SPIRE1: variants seen among roughly 807,000 people sequenced by gnomAD.
SPIRE1 encodes the protein protein spire homolog 1.
A neutral mutation model predicts 94.1 loss-of-function variants in SPIRE1; 40 were observed. That is an observed-to-expected ratio of 0.43 (90% CI 0.33 to 0.55). The LOEUF (loss-of-function observed/expected upper bound fraction) is 0.55. SPIRE1 is among the 20% of genes least tolerant of loss of function. SPIRE1 has a pLI of 0.06. For missense variants in SPIRE1, 838 were observed against 975.2 expected, an observed-to-expected ratio of 0.86 and a Z score of 1.87; for synonymous variants, 376 against 371.7, an observed-to-expected ratio of 1.01 and a Z score of -0.13.
chr18:12,555,034 T>C (rs1432257461), intron 2 of SPIRE1, among the ~76,000 whole-genome samples: 1 of 152,194 alleles, frequency 6.6e-6, no homozygotes, highest in African/African-American at 2.4e-5. Flanking sequence ...CTACTTCCTG[T>C]TGACCAACTT....
intron 6 of SPIRE1, among the ~76,000 whole-genome samples, chr18:12,503,538 T>C (rs2033733090): frequency 6.6e-6 from 1 of 152,236 alleles, no homozygotes; most frequent in African/African-American, 2.4e-5. Context: ...TATCCTCTAA[T>C]GATGGCGAGT....
chr18:12,473,473 A>G (rs958863907), intron 10 of SPIRE1, among the ~76,000 whole-genome samples: 1 of 152,236 alleles, frequency 6.6e-6, no homozygotes, highest in African/African-American at 2.4e-5. Flanking sequence ...TAAATCTTAA[A>G]AAATAGAGGA....
intron 3 of SPIRE1, among the ~76,000 whole-genome samples, chr18:12,542,560 T>A (rs1188660369): frequency 2.6e-5 from 4 of 152,204 alleles, no homozygotes; most frequent in Non-Finnish European, 4.4e-5. Context: ...GTAATTTTCT[T>A]AGCTCCACCT....
chr18:12,494,838 C>CAA (rs71172091), intron 7 of SPIRE1, among the ~76,000 whole-genome samples: 4,967 of 31,880 alleles, frequency 0.16, 970 homozygotes, highest in African/African-American at 0.32. Context: ...GACTCCATCT[C>CAA]AAAAAAAAAA....
chr18:12,646,769 G>A (rs1164695571), intron 1 of SPIRE1, among the ~76,000 whole-genome samples: 1 of 152,146 alleles, frequency 6.6e-6, no homozygotes, highest in Non-Finnish European at 1.5e-5. Flanking sequence ...ATTAGGCCCG[G>A]CGCAGTGGTT....
At chr18:12,466,816 T>C (rs983396882) in intron 10 of SPIRE1, among the ~76,000 whole-genome samples, 1 of 152,292 alleles carries the variant, frequency 6.6e-6, no homozygotes, top group Non-Finnish European at 1.5e-5. Flanking sequence ...ACCCATCACA[T>C]AGGTATTAAG....
rs116240898 is a variant in SPIRE1 at position 12,594,068 on chromosome 18, T to C, written c.372+40994A>G. On this transcript the variant is annotated intron_variant, in intron 2 of 16. Transcript: ENST00000409402. ...ATGCACATTGGAAGGACAACTAATATAGTCCGGGAAACGATCCAAGAAGAA... is the reference window on the plus strand; with the variant it reads ...ATGCACATTGGAAGGACAACTAATACAGTCCGGGAAACGATCCAAGAAGAA... Among the ~76,000 whole-genome samples, 1,437 of 152,214 alleles carry C rather than the reference T, an allele frequency of 9.4e-3. 31 individuals carry two copies. The highest frequency in any genetic ancestry group is 0.032 in the African/African-American group (1,325 of 41,522).
intron 2 of SPIRE1, among the ~76,000 whole-genome samples, chr18:12,621,775 A>G (rs1030229662): frequency 2.0e-5 from 3 of 152,218 alleles, no homozygotes; most frequent in African/African-American, 7.2e-5. Context: ...TGATGGCTGC[A>G]TAACTCTGAA....
Position 12,463,455 on chromosome 18 carries a change from G to A in SPIRE1, c.1534C>T (p.Pro512Ser). ...CTCTGGGGTGGCTGCCGTCTCTCTG[G>A]CTGGGGTGTTGATGATATGGGCAGG... is the stretch of plus-strand genomic sequence containing the variant. ...KFLPISSTPQ[P>S]ERRQPPQRRH... The change falls in exon 12 of 17, where the codon CCA (proline) becomes TCA (serine). Residue 512 changes from proline to serine, a missense_variant. By Grantham distance (74) the Pro-to-Ser change is moderately conservative. This residue lies in a region of SPIRE1 where 645 missense variants were observed against 804.7 expected (regional missense o/e 0.80). Transcript: ENST00000409402. The A allele has an allele frequency of 6.2e-7, 1 of 1,613,796 alleles. No homozygotes were observed.
intron 8 of SPIRE1, among the ~76,000 whole-genome samples, chr18:12,486,728 T>C (rs1431406733): frequency 6.6e-6 from 1 of 152,250 alleles, no homozygotes; most frequent in Non-Finnish European, 1.5e-5. Flanking sequence ...CTTAGAATAG[T>C]GCTTGACACA....
chr18:12,639,293 G>A (rs1003627342), intron 1 of SPIRE1, among the ~76,000 whole-genome samples: 1 of 152,114 alleles, frequency 6.6e-6, no homozygotes, highest in Admixed American at 6.5e-5. Context: ...TGAAGTCACA[G>A]GATTTGTAAG....
chr18:12,494,838 C>CAAA (rs71172091), intron 7 of SPIRE1, among the ~76,000 whole-genome samples: 1,294 of 31,974 alleles, frequency 0.04, 124 homozygotes, highest in South Asian at 0.07. Context: ...GACTCCATCT[C>CAAA]AAAAAAAAAA....
chr18:12,483,588 C>T (rs1192264994), intron 9 of SPIRE1, among the ~76,000 whole-genome samples: 1 of 151,902 alleles, frequency 6.6e-6, no homozygotes. Context: ...TATTTAATAC[C>T]TGTATAGGAA....
At chr18:12,634,648 A>C (rs1339292578) in intron 2 of SPIRE1, among the ~76,000 whole-genome samples, 2 of 152,150 alleles carry the variant, frequency 1.3e-5, no homozygotes, top group African/African-American at 4.8e-5. Flanking sequence ...AAAACATCTT[A>C]TCAGGGCCAG....
intron 2 of SPIRE1, among the ~76,000 whole-genome samples, chr18:12,557,709 T>C (rs1232532869): frequency 3.7e-5 from 4 of 109,372 alleles, no homozygotes; most frequent in South Asian, 3.5e-4. Context: ...CACTACAATA[T>C]ACAAATATAT....
chr18:12,578,286 T>C (rs9954529), intron 2 of SPIRE1, among the ~76,000 whole-genome samples: 8 of 152,310 alleles, frequency 5.3e-5, no homozygotes, highest in African/African-American at 1.9e-4. Flanking sequence ...CACCCAAAAC[T>C]GTAAATAACC....
At chr18:12,473,578 C>T (rs1021319419) in intron 10 of SPIRE1, among the ~76,000 whole-genome samples, 3 of 152,184 alleles carry the variant, frequency 2.0e-5, no homozygotes, top group Non-Finnish European at 4.4e-5. Flanking sequence ...ATGGAAATTG[C>T]TCATATTTTG....
chr18:12,633,773 G>T (rs374130746), intron 2 of SPIRE1, among the ~76,000 whole-genome samples: 1 of 151,900 alleles, frequency 6.6e-6, no homozygotes, highest in Non-Finnish European at 1.5e-5. Flanking sequence ...TCCTTTATTT[G>T]GGCATTGCCA....
chr18:12,619,327 T>C (rs2037396849), intron 2 of SPIRE1, among the ~76,000 whole-genome samples: 1 of 151,466 alleles, frequency 6.6e-6, no homozygotes, highest in Admixed American at 6.6e-5. Flanking sequence ...GCTAACACGG[T>C]GAAACCCCGT....
Sources: gnomAD v4.1 joint callset for allele counts (sites outside exome capture counted in the v4.1 genomes callset) on GRCh38, gnomAD v4.1.1 for gene constraint, gnomAD v4.1.1 regional missense constraint, MANE v1.5 for transcripts, NCBI Gene and HGNC (gene_info 2026-07-23, HGNC 2026-07-21) for gene names.